DPP10: variants seen among roughly 807,000 people sequenced by gnomAD.
DPP10 encodes dipeptidyl peptidase like 10.
A neutral mutation model predicts 120.9 loss-of-function variants in DPP10; 33 were observed. The ratio of observed to expected loss-of-function variants is 0.27; its 90% CI spans 0.21 to 0.37. The LOEUF (loss-of-function observed/expected upper bound fraction) is 0.37. Ranked by LOEUF, DPP10 falls within the 10% of genes least tolerant of loss-of-function variation. The pLI is 1.00. For missense variants in DPP10, 816 were observed against 942.8 expected, an observed-to-expected ratio of 0.87 and a Z score of 1.76; for synonymous variants, 337 against 326.1, an observed-to-expected ratio of 1.03 and a Z score of -0.36.
chr2:115,355,685 T>C, intron 3 of DPP10, among the ~76,000 whole-genome samples: 1 of 152,324 alleles, frequency 6.6e-6, no homozygotes, highest in African/African-American at 2.4e-5. Flanking sequence ...TTTTAGTATG[T>C]TGGGTTTTAT....
At chr2:114,684,490 T>A (rs1467681770) in intron 1 of DPP10, among the ~76,000 whole-genome samples, 2 of 151,950 alleles carry the variant, frequency 1.3e-5, no homozygotes, top group Non-Finnish European at 2.9e-5. Context: ...TTTGGGCTGG[T>A]TTTACAATGC....
chr2:115,125,476 T>G (rs1399147761), intron 1 of DPP10, among the ~76,000 whole-genome samples: 7 of 150,750 alleles, frequency 4.6e-5, no homozygotes. Context: ...AGCTTTGAAA[T>G]CAGAAAAATT....
chr2:115,276,356 T>C (rs924271413), intron 1 of DPP10, among the ~76,000 whole-genome samples: 1 of 152,130 alleles, frequency 6.6e-6, no homozygotes, highest in African/African-American at 2.4e-5. Context: ...CAGAATATAC[T>C]CTCTTTTCTG....
intron 1 of DPP10, among the ~76,000 whole-genome samples, chr2:114,801,301 G>T (rs1684227134): frequency 7.1e-6 from 1 of 141,656 alleles, no homozygotes; most frequent in South Asian, 2.2e-4. Context: ...AGAAAGAAAG[G>T]TACAGAAGAT....
At chr2:115,346,373 TGGA>T (rs1345197000) in intron 3 of DPP10, among the ~76,000 whole-genome samples, 1 of 152,180 alleles carries the variant, frequency 6.6e-6, no homozygotes, top group African/African-American at 2.4e-5. Flanking sequence ...ATTTAATTCT[TGGA>T]GGTCATCATA....
At chr2:114,890,598 T>G (rs918971740) in intron 1 of DPP10, among the ~76,000 whole-genome samples, 39 of 152,308 alleles carry the variant, frequency 2.6e-4, no homozygotes, top group African/African-American at 8.7e-4. Flanking sequence ...ATTTAAATCA[T>G]CACTTATTTG....
At chr2:115,812,420 C>G (rs973012900) in intron 19 of DPP10, among the ~76,000 whole-genome samples, 2 of 152,196 alleles carry the variant, frequency 1.3e-5, no homozygotes, top group South Asian at 2.1e-4. Context: ...TGCTAGTTCT[C>G]AAATGTTAAA....
intron 21 of DPP10, among the ~76,000 whole-genome samples, chr2:115,819,954 A>G (rs983331925): frequency 1.3e-5 from 2 of 152,216 alleles, no homozygotes; most frequent in African/African-American, 2.4e-5. Context: ...AGATCGGACC[A>G]TTGCACTCCA....
chr2:115,241,423 G>T (rs1271562589), intron 1 of DPP10, among the ~76,000 whole-genome samples: 1 of 152,152 alleles, frequency 6.6e-6, no homozygotes, highest in Admixed American at 6.5e-5. Flanking sequence ...CTCTGCAAAA[G>T]CATAATCCAT....
At chr2:114,500,853 C>A (rs117054977) in intron 1 of DPP10, among the ~76,000 whole-genome samples, 1 of 152,116 alleles carries the variant, frequency 6.6e-6, no homozygotes, top group African/African-American at 2.4e-5. Context: ...GGCAGGAGTC[C>A]GTCTGGTGCG....
At chr2:115,028,788 G>A (rs1703645527) in intron 1 of DPP10, among the ~76,000 whole-genome samples, 1 of 151,948 alleles carries the variant, frequency 6.6e-6, no homozygotes, top group Non-Finnish European at 1.5e-5. Flanking sequence ...TATCTGAATT[G>A]ATCCCTTTAT....
At chr2:115,095,584 T>G (rs200406368) in intron 1 of DPP10, among the ~76,000 whole-genome samples, 2 of 119,810 alleles carry the variant, frequency 1.7e-5, no homozygotes, top group Non-Finnish European at 3.4e-5. Context: ...GTTTTTTTTT[T>G]GTTTTTTTTT....
At chr2:114,584,609 T>C (rs1456090504) in intron 1 of DPP10, among the ~76,000 whole-genome samples, 2 of 138,832 alleles carry the variant, frequency 1.4e-5, no homozygotes, top group African/African-American at 2.7e-5. Flanking sequence ...TGTGTTCTCA[T>C]TTTTCATTTC....
chr2:115,109,868 C>T (rs2104672420), intron 1 of DPP10, among the ~76,000 whole-genome samples: 1 of 152,212 alleles, frequency 6.6e-6, no homozygotes, highest in Non-Finnish European at 1.5e-5. Flanking sequence ...AATTATTCAC[C>T]CTAAACTTTC....
At chr2:115,347,088 A>C (rs542105232) in intron 3 of DPP10, among the ~76,000 whole-genome samples, 1 of 152,324 alleles carries the variant, frequency 6.6e-6, no homozygotes, top group South Asian at 2.1e-4. Context: ...GAAAAGCATA[A>C]CAAATTTATT....
chr2:115,291,317 A>G, intron 1 of DPP10, among the ~76,000 whole-genome samples: 1 of 151,990 alleles, frequency 6.6e-6, no homozygotes, highest in Admixed American at 6.6e-5. Flanking sequence ...GCTTCATTCT[A>G]ACATACCACT....
Position 115,828,532 on chromosome 2 carries a change from T to C in DPP10, c.1951-7625T>C, listed in dbSNP as rs58821922. Among the ~76,000 whole-genome samples, 13 of 152,162 alleles carry C rather than the reference T, an allele frequency of 8.5e-5. No homozygotes were observed. In the South Asian group the frequency reaches 2.7e-3, roughly 31 times the overall value. The stretch of plus-strand genomic sequence containing the variant: ...GAAGTTGTCCCCAAACTCACTAATA[T>C]GCTGTTCAATTTTTTTTTTAAAAGC... On this transcript the variant is annotated intron_variant, in intron 21 of 25. Transcript: ENST00000410059.
intron 1 of DPP10, among the ~76,000 whole-genome samples, chr2:114,776,595 T>A (rs537264528): frequency 6.6e-6 from 1 of 152,288 alleles, no homozygotes; most frequent in East Asian, 1.9e-4. Flanking sequence ...TTGTTAAATG[T>A]ACAACATTTT....
At chr2:114,893,862 C>A (rs900183061) in intron 1 of DPP10, among the ~76,000 whole-genome samples, 1 of 152,080 alleles carries the variant, frequency 6.6e-6, no homozygotes, top group Non-Finnish European at 1.5e-5. Context: ...TGTCACTACC[C>A]TTTTTTTCTG....
Sources: allele counts gnomAD v4.1 joint callset (sites outside exome capture counted in the v4.1 genomes callset), GRCh38; gene constraint gnomAD v4.1.1; transcripts MANE v1.5; gene names NCBI Gene and HGNC (gene_info 2026-07-23, HGNC 2026-07-21).